SERPINA6: variants seen among roughly 807,000 people sequenced by gnomAD.
SERPINA6 encodes the protein serpin family A member 6.
A neutral mutation model predicts 26.4 loss-of-function variants in SERPINA6; 19 were observed. That is an observed-to-expected ratio of 0.72 (90% CI 0.50 to 1.06). SERPINA6 has a LOEUF of 1.06. Ranked by LOEUF, SERPINA6 falls within the 50% of genes least tolerant of loss-of-function variation. The probability of loss-of-function intolerance (pLI) is 0.00; values close to 1 mark genes in which losing one functional copy is unlikely to be tolerated. For synonymous variants in SERPINA6, 196 were observed against 199.4 expected, an observed-to-expected ratio of 0.98 and a Z score of 0.14; for missense variants, 473 against 504.0, an observed-to-expected ratio of 0.94 and a Z score of 0.59.
At chr14:94,312,916 C>T (rs1158151176) in intron 2 of SERPINA6, among the ~76,000 whole-genome samples, 1 of 152,158 alleles carries the variant, frequency 6.6e-6, no homozygotes, top group Non-Finnish European at 1.5e-5. Context: ...TCGAGAGACA[C>T]ATGTTCAGTA....
chr14:94,313,808 C>G, intron 2 of SERPINA6: 1 of 674,632 alleles, frequency 1.5e-6, no homozygotes, highest in Non-Finnish European at 2.7e-6. Context: ...CTCAAACCAA[C>G]CTGCCAGAAT....
At chr14:94,315,294 A>C (rs529366030) in intron 1 of SERPINA6, among the ~76,000 whole-genome samples, 1 of 152,258 alleles carries the variant, frequency 6.6e-6, no homozygotes, top group African/African-American at 2.4e-5. Context: ...GGAAACAGGA[A>C]CAGAGCTATA....
At chr14:94,305,482 A>T (rs1439081622) in intron 4 of SERPINA6, among the ~76,000 whole-genome samples, 1 of 152,218 alleles carries the variant, frequency 6.6e-6, no homozygotes, top group Non-Finnish European at 1.5e-5. Flanking sequence ...CCACTCACAC[A>T]GCACGCATTT....
In SERPINA6 at chr14:94,309,900, G is replaced by T; in HGVS notation, c.720C>A (p.Ile240=). The T allele has an allele frequency of 6.2e-7, 1 of 1,614,176 alleles. No homozygotes were observed. The highest frequency in any genetic ancestry group is 1.1e-5 in the South Asian group (1 of 91,082). ...GGAGCTCCGAGTCATGAAGGTAACT[G>T]ATGGTGCTCGACTGCAACATCATGG... ...KVPMMLQSST[I]SYLHDSELPC... is the part of the protein sequence containing the mutation. Residue 240 remains isoleucine, a synonymous_variant, in exon 3 of 5, where the codon ATC becomes ATA. Transcript: ENST00000341584.
Position 94,314,155 on chromosome 14 carries a change from G to A in SERPINA6, c.494C>T (p.Thr165Ile). 6.2e-7 allele frequency: 1 copy of A among 1,614,220 alleles called. No homozygotes were observed. The highest frequency in any genetic ancestry group is 8.5e-7 in the Non-Finnish European group (1 of 1,180,036). ...ATAGCTGTTGATCTGTCTGCTGGCT[G>A]TTGCCCAGTCCTGGAAATTCATAGC... ...VLAMNFQDWA[T>I]ASRQINSYVK... Residue 165 changes from threonine (T) to isoleucine (I), a missense_variant, in exon 2 of 5, where the codon ACA becomes ATA. Transcript: ENST00000341584.
intron 1 of SERPINA6, among the ~76,000 whole-genome samples, chr14:94,321,882 A>G (rs1272691487): frequency 3.3e-5 from 5 of 152,146 alleles, no homozygotes; most frequent in African/African-American, 1.2e-4. Context: ...TATGATGCCA[A>G]TGGTAGGATG....
At chr14:94,309,201 C>G (rs772987418) in intron 3 of SERPINA6, among the ~76,000 whole-genome samples, 19 of 152,238 alleles carry the variant, frequency 1.2e-4, no homozygotes, top group Admixed American at 1.3e-4. Context: ...TTATTACCTA[C>G]TTTAGCCTTG....
At chr14:94,322,051 A>G (rs916040178) in intron 1 of SERPINA6, among the ~76,000 whole-genome samples, 2 of 152,240 alleles carry the variant, frequency 1.3e-5, no homozygotes, top group African/African-American at 4.8e-5. Context: ...TTAATGGGTC[A>G]TCCTGGGGCC....
chr14:94,311,640 G>A lies in SERPINA6; in HGVS notation c.614-1634C>T, dbSNP rs74480123. ...TAAAAAAAAACTGTCAAGAAAGTCC[G>A]ATAAATAACACATCAGGTGCTGGGT... On this transcript the variant is annotated intron_variant, in intron 2 of 4. Transcript: ENST00000341584. 5.6e-3 allele frequency among the ~76,000 whole-genome samples: 845 copies of A among 152,110 alleles called. 10 individuals are homozygous for A. The highest frequency in any genetic ancestry group is 0.019 in the African/African-American group (802 of 41,514).
At chr14:94,305,459 G>A (rs1467079499) in intron 4 of SERPINA6, among the ~76,000 whole-genome samples, 2 of 152,180 alleles carry the variant, frequency 1.3e-5, no homozygotes, top group African/African-American at 2.4e-5. Flanking sequence ...GAAGGCAGCT[G>A]TGTTGACTCA....
intron 1 of SERPINA6, among the ~76,000 whole-genome samples, chr14:94,315,191 TA>T (rs35522751): frequency 0.18 from 26,660 of 152,128 alleles, 2,506 homozygotes; most frequent in Non-Finnish European, 0.22. Flanking sequence ...AATGAAGAAA[TA>T]AAAGACCTCT....
chr14:94,313,807 A>T (rs1023548030), intron 2 of SERPINA6: 27 of 674,152 alleles, frequency 4.0e-5, no homozygotes, highest in Admixed American at 6.3e-5. Flanking sequence ...CCTCAAACCA[A>T]CCTGCCAGAA....
intron 4 of SERPINA6, among the ~76,000 whole-genome samples, chr14:94,305,734 C>G (rs772427621): frequency 3.9e-5 from 6 of 152,198 alleles, no homozygotes; most frequent in African/African-American, 1.4e-4. Context: ...TAGACATTTA[C>G]CACTTTTCCT....
chr14:94,320,020 TA>T (rs1399400691), intron 1 of SERPINA6, among the ~76,000 whole-genome samples: 3 of 151,868 alleles, frequency 2.0e-5, no homozygotes, highest in East Asian at 1.9e-4. Flanking sequence ...TAAGAGCAAT[TA>T]AAAAAAATCC....
At chr14:94,307,250 A>C (rs1225812636) in intron 3 of SERPINA6, among the ~76,000 whole-genome samples, 2 of 152,060 alleles carry the variant, frequency 1.3e-5, no homozygotes, top group Admixed American at 1.3e-4. Context: ...ATGTGCACAC[A>C]CACACATACG....
intron 2 of SERPINA6, among the ~76,000 whole-genome samples, chr14:94,310,807 G>A (rs1895518909): frequency 6.6e-6 from 1 of 152,164 alleles, no homozygotes; most frequent in Non-Finnish European, 1.5e-5. Context: ...GTGTCACAGG[G>A]TCTCTCTGCT....
At chr14:94,322,040 C>G (rs1298212632) in intron 1 of SERPINA6, among the ~76,000 whole-genome samples, 5 of 152,206 alleles carry the variant, frequency 3.3e-5, no homozygotes, top group Non-Finnish European at 4.4e-5. Flanking sequence ...TGTGACCTCA[C>G]TTAATGGGTC....
At chr14:94,317,390 A>G (rs1171358527) in intron 1 of SERPINA6, among the ~76,000 whole-genome samples, 1 of 152,208 alleles carries the variant, frequency 6.6e-6, no homozygotes, top group East Asian at 1.9e-4. Context: ...TGCCTGGAGA[A>G]CATTCAGTTG....
chr14:94,306,082 T>A lies in SERPINA6; in HGVS notation c.1021A>T (p.Lys341Ter). 6.2e-7 allele frequency: 1 copy of A among 1,614,220 alleles called. No individual in the cohort carries two copies. The highest frequency in any genetic ancestry group is 1.1e-5 in the South Asian group (1 of 91,086). ...CCCATGACATTTACCTTTGATGACT[T>A]CAGCTGGGCGTCCTGGGTGATGCGT... ...FSRITQDAQL[K>*]SSKVVHKAVL... is the part of the protein sequence containing the mutation. Residue 341 changes from lysine to a stop codon, truncating the protein, a stop_gained, in exon 4 of 5, where the codon AAG becomes TAG. Coordinates refer to ENST00000341584, the MANE Select transcript of SERPINA6 (RefSeq NM_001756.4). LOFTEE classifies it low-confidence loss of function (END_TRUNC).
Sources: allele counts gnomAD v4.1 joint callset (sites outside exome capture counted in the v4.1 genomes callset), GRCh38; gene constraint gnomAD v4.1.1; transcripts MANE v1.5; gene names NCBI Gene and HGNC (gene_info 2026-07-23, HGNC 2026-07-21).